Variants in HCN4 observed in about 807,000 individuals in gnomAD.
The protein encoded by HCN4 is hyperpolarization activated cyclic nucleotide gated potassium channel 4, also known as potassium/sodium hyperpolarization-activated cyclic nucleotide-gated channel 4.
In HCN4, 29 loss-of-function variants were observed where a neutral mutation model predicts 76.9. The observed-to-expected ratio is 0.38, with a 90% CI of 0.28 to 0.51. HCN4 has a LOEUF of 0.51. HCN4 is among the 20% of genes least tolerant of loss of function. The probability of loss-of-function intolerance (pLI) is 0.90; values close to 1 mark genes in which losing one functional copy is unlikely to be tolerated. For synonymous variants in HCN4, 772 were observed against 762.5 expected (o/e 1.01, Z -0.21); for missense variants, 1,416 against 1,715.2 (o/e 0.83, Z 3.08).
At position 73,367,767 on chromosome 15, in the gene HCN4, G is replaced by GGGC. The variant is rs1310974469; in HGVS notation, c.501_503dup (p.Pro168dup). The GGGC allele has an allele frequency of 6.6e-7, 1 of 1,507,898 alleles. No homozygotes were observed. The highest frequency in any genetic ancestry group is 2.6e-5 in the East Asian group (1 of 39,126). 93.4% of individuals were successfully genotyped at this position (1,507,898 alleles called of 1,614,324 possible). ...CGGAGGCCGGCTGCGGTGGCTGCTG[G>GGGC]GGCGGCGGCGGCGAGGCTGCGGGCT... On this transcript the variant is annotated inframe_insertion, in exon 1 of 8. Coordinates refer to ENST00000261917, the MANE Select transcript of HCN4 (RefSeq NM_005477.3). The surrounding 1 kb of genome is among the most constrained non-coding windows in gnomAD (Gnocchi z 7.5).
chr15:73,319,875 A>T lies in HCN4; in HGVS notation c.*2606T>A, dbSNP rs546318642. The T allele has an allele frequency of 1.3e-5, 2 of 152,156 alleles. No homozygotes were observed. Among genetic ancestry groups the T allele is most frequent in the African/African-American group, 2.4e-5 (1 of 41,498 alleles). 9.4% of individuals were successfully genotyped at this position (152,156 alleles called of 1,614,324 possible). A position where few individuals can be genotyped will look rare whatever the true frequency, so the allele number is the denominator to read the frequency against. ...GGTAGCATCTGCTGGAATTTTTTTT[A>T]TTTAAATAAAATATACAATACGGCG... On this transcript the variant is annotated 3_prime_UTR_variant, in exon 8 of 8. Coordinates refer to ENST00000261917, the MANE Select transcript of HCN4 (RefSeq NM_005477.3).
chr15:73,360,433 C>G (rs2043099978), intron 1 of HCN4, among the ~76,000 whole-genome samples: 1 of 152,214 alleles, frequency 6.6e-6, no homozygotes, highest in Non-Finnish European at 1.5e-5. Context: ...CTCTCCAGAT[C>G]TGATATTCCG....
At chr15:73,333,178 C>T (rs498868) in intron 2 of HCN4, among the ~76,000 whole-genome samples, 74,303 of 152,024 alleles carry the variant, frequency 0.49, 18,482 homozygotes, top group East Asian at 0.55. Flanking sequence ...TGGGCATATC[C>T]CAGCCCCTCC....
chr15:73,325,476 C>G lies in HCN4; in HGVS notation c.1591-32G>C. On this transcript the variant is annotated intron_variant, in intron 4 of 7. Coordinates refer to ENST00000261917, the MANE Select transcript of HCN4 (RefSeq NM_005477.3). This position sits in a 1 kb window ranked among gnomAD's most constrained non-coding sequence, Gnocchi z 7.4. Reference sequence around the variant, plus strand: ...CCGGGAGAAGGGGGCGTCAGCTCCACCCCACCAGGGGGCGTCAGCAGCCAG... The same window carrying G: ...CCGGGAGAAGGGGGCGTCAGCTCCAGCCCACCAGGGGGCGTCAGCAGCCAG... The G allele has an allele frequency of 6.2e-7, 1 of 1,612,664 alleles. No homozygotes were observed. Among genetic ancestry groups the G allele is most frequent in the Non-Finnish European group, 8.5e-7 (1 of 1,179,070 alleles).
chr15:73,350,178 T>C (rs887085748), intron 1 of HCN4, among the ~76,000 whole-genome samples: 2 of 152,112 alleles, frequency 1.3e-5, no homozygotes, highest in Non-Finnish European at 2.9e-5. Flanking sequence ...GATCCTCTCA[T>C]CAGAACCCTC....
intron 6 of HCN4, 129 bp from the exon 7 acceptor site, chr15:73,324,382 G>T: frequency 1.0e-6 from 1 of 996,340 alleles, no homozygotes. Context: ...CCTGCCCCCA[G>T]ACTGCGGCCA....
chr15:73,364,195 C>T (rs2151227264), intron 1 of HCN4, among the ~76,000 whole-genome samples: 1 of 152,206 alleles, frequency 6.6e-6, no homozygotes, highest in African/African-American at 2.4e-5. Context: ...ATTATTAAGG[C>T]TGAGCCAGCT....
intron 2 of HCN4, among the ~76,000 whole-genome samples, chr15:73,332,719 C>T (rs1383691067): frequency 8.5e-5 from 13 of 152,114 alleles, no homozygotes. Flanking sequence ...GGGCGTGTTT[C>T]CCTAAATCTA....
chr15:73,329,181 G>C (rs1245367672), intron 4 of HCN4, among the ~76,000 whole-genome samples: 1 of 152,178 alleles, frequency 6.6e-6, no homozygotes, highest in Non-Finnish European at 1.5e-5. Flanking sequence ...GCAAATGGGG[G>C]CAGGGGACTG....
chr15:73,326,911 T>C (rs933518541), intron 4 of HCN4, among the ~76,000 whole-genome samples: 5 of 151,494 alleles, frequency 3.3e-5, no homozygotes, highest in African/African-American at 1.2e-4. Flanking sequence ...CTCAGCCTCC[T>C]AAACAGCTGG....
Position 73,322,624 on chromosome 15 carries a change from A to C in HCN4, c.3469T>G (p.Ser1157Ala). 1 of 1,611,816 alleles carries C rather than the reference A, an allele frequency of 6.2e-7. No individual in the cohort carries two copies. Among genetic ancestry groups the C allele is most frequent in the Non-Finnish European group, 8.5e-7 (1 of 1,179,406 alleles). Residue 1157 changes from serine (S) to alanine (A), a missense_variant, in exon 8 of 8, where the codon TCC becomes GCC. This residue lies in a region of HCN4 where 633 missense variants were observed against 579.8 expected (regional missense o/e 1.09). Transcript: ENST00000261917. ...GQHVTLPRKT[S>A]SGSLPPPLSL... ...AGAGGGGGTGGCAAAGAACCTGAGG[A>C]TGTCTTCCGAGGCAGAGTGACGTGC...
chr15:73,338,378 A>G (rs2042979151), intron 2 of HCN4, among the ~76,000 whole-genome samples: 1 of 152,214 alleles, frequency 6.6e-6, no homozygotes, highest in Non-Finnish European at 1.5e-5. Flanking sequence ...TCTGCCACAC[A>G]TGGAACTTGG....
chr15:73,323,209 G>T lies in HCN4; in HGVS notation c.2884C>A (p.Pro962Thr). The change falls in exon 8 of 8, where the codon CCA (proline) becomes ACA (threonine). Residue 962 changes from proline (P) to threonine (T), a missense_variant. This residue lies in a region of HCN4 where 633 missense variants were observed against 579.8 expected (regional missense o/e 1.09). Transcript: ENST00000261917. ...GATGACGGGGATCTGGATGAGGGTGGGGGTGGCAGGAAGTGCTCCGGGAGT... is the reference window on the plus strand; with the variant it reads ...GATGACGGGGATCTGGATGAGGGTGTGGGTGGCAGGAAGTGCTCCGGGAGT... ...LGLPEHFLPP[P>T]PSSRSPSSSP... 6.5e-7 allele frequency: 1 copy of T among 1,535,676 alleles called. No homozygotes were observed. The highest frequency in any genetic ancestry group is 1.3e-5 in the South Asian group (1 of 78,808).
At chr15:73,326,851 A>C (rs909251346) in intron 4 of HCN4, among the ~76,000 whole-genome samples, 8 of 150,766 alleles carry the variant, frequency 5.3e-5, no homozygotes, top group African/African-American at 1.9e-4. Context: ...CAGTGATATG[A>C]ACACAGCTCA....
At chr15:73,340,736 C>T (rs2042996189) in intron 2 of HCN4, among the ~76,000 whole-genome samples, 1 of 152,246 alleles carries the variant, frequency 6.6e-6, no homozygotes, top group Non-Finnish European at 1.5e-5. Context: ...GTCCTTTGAT[C>T]CCAGCGCCCA....
rs779428563 is a variant in HCN4 at position 73,323,063 on chromosome 15, G to A, written c.3030C>T (p.Ala1010=). The A allele has an allele frequency of 1.0e-5, 16 of 1,542,128 alleles. No homozygotes were observed. Among genetic ancestry groups the A allele is most frequent in the African/African-American group, 1.4e-5 (1 of 72,560 alleles). The part of the protein sequence containing the change: ...QPEPPSLVAG[A]SGGASPVGFT... Reference sequence around the variant, plus strand: ...AGCCTACAGGGGAAGCCCCCCCAGAGGCCCCTGCCACAAGGGACGGCGGCT... The same window carrying A: ...AGCCTACAGGGGAAGCCCCCCCAGAAGCCCCTGCCACAAGGGACGGCGGCT... The change falls in exon 8 of 8, where the codon GCC becomes GCT. Residue 1010 remains alanine (A), a synonymous_variant. Transcript: ENST00000261917.
At chr15:73,357,561 G>A (rs1337650220) in intron 1 of HCN4, among the ~76,000 whole-genome samples, 1 of 152,124 alleles carries the variant, frequency 6.6e-6, no homozygotes, top group Non-Finnish European at 1.5e-5. Flanking sequence ...GCTGGGAGGA[G>A]AGCGTGGTTG....
At position 73,339,507 on chromosome 15, in the gene HCN4, G is replaced by A. The variant is rs148486206; in HGVS notation, c.1209+3878C>T. ...CCCAACCGAGGGCATCCTCCTTCAC[G>A]TTCCGTGAGCTACAACAAGGTCTTC... On this transcript the variant is annotated intron_variant, in intron 2 of 7. Coordinates refer to ENST00000261917, the MANE Select transcript of HCN4 (RefSeq NM_005477.3). 4.2e-3 allele frequency among the ~76,000 whole-genome samples: 647 copies of A among 152,336 alleles called. 2 individuals are homozygous for A. The highest frequency in any genetic ancestry group is 0.014 in the South Asian group (68 of 4,828).
At chr15:73,366,847 T>A (rs1054026338) in intron 1 of HCN4, among the ~76,000 whole-genome samples, 1 of 152,112 alleles carries the variant, frequency 6.6e-6, no homozygotes, top group African/African-American at 2.4e-5. Flanking sequence ...ATGAGCAAGG[T>A]CATTCAGCCC....
Sources: gnomAD v4.1 joint callset for allele counts (sites outside exome capture counted in the v4.1 genomes callset) on GRCh38, gnomAD v4.1.1 for gene constraint, gnomAD v4.1.1 regional missense constraint, Gnocchi (gnomAD v3.1) non-coding constraint, MANE v1.5 for transcripts, NCBI Gene and HGNC (gene_info 2026-07-23, HGNC 2026-07-21) for gene names.